The following SLC5A3 variants were observed in gnomAD, a reference collection of about 807,000 sequenced individuals.
SLC5A3 encodes sodium/myo-inositol cotransporter.
SLC5A3 carries 10 observed loss-of-function variants against 43.2 expected under a neutral mutation model. That is an observed-to-expected ratio of 0.23 (90% CI 0.14 to 0.39). The LOEUF is 0.39. Ranked by LOEUF, SLC5A3 falls within the 10% of genes least tolerant of loss-of-function variation. The pLI, the probability that SLC5A3 is intolerant of heterozygous loss-of-function variation, is 1.00. For missense variants in SLC5A3, 608 were observed against 893.4 expected (o/e 0.68, Z 4.07); for synonymous variants, 349 against 322.0 (o/e 1.08, Z -0.90).
At chr21:34,081,803 T>C (rs889935253) in intron 1 of SLC5A3, among the ~76,000 whole-genome samples, 1 of 152,208 alleles carries the variant, frequency 6.6e-6, no homozygotes, top group Admixed American at 6.5e-5. Context: ...AGTTTTTCAT[T>C]ATTCCCAGTT....
rs1300522155 is a variant in SLC5A3 at position 34,104,328 on chromosome 21, AAAACGT to A, written c.*6975_*6980del. 1 of 999,966 alleles carries A rather than the reference AAAACGT, an allele frequency of 1.0e-6. No individual in the cohort carries two copies. Among genetic ancestry groups the A allele is most frequent in the African/African-American group, 1.7e-5 (1 of 57,176 alleles). 61.9% of individuals were successfully genotyped at this position (999,966 alleles called of 1,614,324 possible). ...AAATCTGTTAATGTGTGTGTAGAAG[AAAACGT>A]ATGTTCTTCTACTCAGCATTGCCCT... On this transcript the variant is annotated 3_prime_UTR_variant, in exon 2 of 2. Coordinates refer to ENST00000381151, the MANE Select transcript of SLC5A3 (RefSeq NM_006933.7).
chr21:34,081,677 A>G (rs867762966), intron 1 of SLC5A3, among the ~76,000 whole-genome samples: 2 of 152,122 alleles, frequency 1.3e-5, no homozygotes, highest in African/African-American at 4.8e-5. Context: ...GAAGTAATTC[A>G]TTTGGGAGGG....
chr21:34,082,867 A>AT (rs1240283559), intron 1 of SLC5A3, among the ~76,000 whole-genome samples: 4 of 152,108 alleles, frequency 2.6e-5, no homozygotes, highest in African/African-American at 4.8e-5. Context: ...CCTTGCAATC[A>AT]TTTTTACTAT....
At chr21:34,089,172 C>G (rs983319608) in intron 1 of SLC5A3, among the ~76,000 whole-genome samples, 1 of 147,436 alleles carries the variant, frequency 6.8e-6, no homozygotes, top group African/African-American at 2.5e-5. Flanking sequence ...GGATTACAGG[C>G]GTGTGCTACC....
Position 34,096,647 on chromosome 21 carries a change from C to A in SLC5A3, c.1449C>A (p.Val483=). The change falls in exon 2 of 2, where the codon GTC becomes GTA. Residue 483 remains valine, a synonymous_variant. Transcript: ENST00000381151. The surrounding 1 kb of genome is among the most constrained non-coding windows in gnomAD (Gnocchi z 5.9). The stretch of plus-strand genomic sequence containing the variant: ...TGGCTGGCTTTGTTCTTGGAGCAGT[C>A]CGTTTGATACTGGCCTTTGCCTACC... ...GGMAGFVLGA[V]RLILAFAYRA... is the part of the protein sequence containing the mutation. 6.2e-7 allele frequency: 1 copy of A among 1,614,154 alleles called. No homozygotes were observed. The highest frequency in any genetic ancestry group is 2.2e-5 in the East Asian group (1 of 44,880).
At chr21:34,076,454 A>G (rs1602898774) in intron 1 of SLC5A3, among the ~76,000 whole-genome samples, 1 of 152,220 alleles carries the variant, frequency 6.6e-6, no homozygotes, top group African/African-American at 2.4e-5. Flanking sequence ...ATTGAACTAT[A>G]CAGTTGTACA....
rs1460214619 is a variant in SLC5A3 at position 34,105,708 on chromosome 21, T to C, written c.*8353T>C. 2.0e-6 allele frequency: 2 copies of C among 998,406 alleles called. No individual in the cohort carries two copies. Among genetic ancestry groups the C allele is most frequent in the Non-Finnish European group, 2.4e-6 (2 of 828,404 alleles). The allele number at this position is 998,406 out of a possible 1,614,324, so 61.8% of individuals were successfully genotyped here. A position where few individuals can be genotyped will look rare whatever the true frequency, so the allele number is the denominator to read the frequency against. Reference sequence around the variant, plus strand: ...TGTTATTAGTGAGTTTTTTGAATTGTAAATGGATTTCCAGTTTACCTTCTG... The same window carrying C: ...TGTTATTAGTGAGTTTTTTGAATTGCAAATGGATTTCCAGTTTACCTTCTG... On this transcript the variant is annotated 3_prime_UTR_variant, in exon 2 of 2. Coordinates refer to ENST00000381151, the MANE Select transcript of SLC5A3 (RefSeq NM_006933.7).
rs1212137884 is a variant in SLC5A3, at chr21:34,098,737, G to A, written c.*1382G>A. 1 of 1,000,136 alleles carries A rather than the reference G, an allele frequency of 1.0e-6. No homozygotes were observed. The highest frequency in any genetic ancestry group is 1.2e-6 in the Non-Finnish European group (1 of 829,938). 62.0% of individuals were successfully genotyped at this position (1,000,136 alleles called of 1,614,324 possible). ...ATAGGACTCTAACTTGACATGGCTTGGCACCCACTTGCAGCTAGTGGGTAC... is the reference window on the plus strand; with the variant it reads ...ATAGGACTCTAACTTGACATGGCTTAGCACCCACTTGCAGCTAGTGGGTAC... On this transcript the variant is annotated 3_prime_UTR_variant, in exon 2 of 2. Coordinates refer to ENST00000381151, the MANE Select transcript of SLC5A3 (RefSeq NM_006933.7).
Position 34,096,581 on chromosome 21 carries a change from C to T in SLC5A3, c.1383C>T (p.Phe461=). Residue 461 remains phenylalanine, a synonymous_variant, in exon 2 of 2, where the codon TTC becomes TTT. Coordinates refer to ENST00000381151, the MANE Select transcript of SLC5A3 (RefSeq NM_006933.7). The surrounding 1 kb of genome is among the most constrained non-coding windows in gnomAD (Gnocchi z 5.9). The part of the protein sequence containing the change: ...PVAALFLLAI[F]WKRCNEQGAF... ...CAGCCTTGTTCCTGCTGGCAATTTT[C>T]TGGAAGCGCTGCAATGAACAAGGGG... 6.2e-7 allele frequency: 1 copy of T among 1,614,086 alleles called. No homozygotes were observed. The highest frequency in any genetic ancestry group is 8.5e-7 in the Non-Finnish European group (1 of 1,179,994).
In SLC5A3 at chr21:34,104,100, G is replaced by T; in HGVS notation, c.*6745G>T. On this transcript the variant is annotated 3_prime_UTR_variant, in exon 2 of 2. Coordinates refer to ENST00000381151, the MANE Select transcript of SLC5A3 (RefSeq NM_006933.7). Reference sequence around the variant, plus strand: ...TCTTTGATTTTTTTTGTGTACGTTTGTATGTGAGAGATGAAGTTACCTTTA... The same window carrying T: ...TCTTTGATTTTTTTTGTGTACGTTTTTATGTGAGAGATGAAGTTACCTTTA... The T allele has an allele frequency of 2.0e-6, 2 of 999,904 alleles. No homozygotes were observed. The highest frequency in any genetic ancestry group is 2.4e-6 in the Non-Finnish European group (2 of 829,874). 61.9% of individuals were successfully genotyped at this position (999,904 alleles called of 1,614,324 possible).
At position 34,086,116 on chromosome 21, in the gene SLC5A3, G is replaced by A. The variant is rs544771417; in HGVS notation, c.-336-8747G>A. On this transcript the variant is annotated intron_variant, in intron 1 of 1. Coordinates refer to ENST00000381151, the MANE Select transcript of SLC5A3 (RefSeq NM_006933.7). The stretch of plus-strand genomic sequence containing the variant: ...TTCTTACCCCACTCTTTACCTTTCC[G>A]GATTTGGCTGGTCACTTATGCTGTT... Among the ~76,000 whole-genome samples, 21 of 152,080 alleles carry A rather than the reference G, an allele frequency of 1.4e-4. 1 individual carries two copies. Among genetic ancestry groups the A allele is most frequent in the African/African-American group, 4.3e-4 (18 of 41,480 alleles).
chr21:34,099,471 A>G lies in SLC5A3; in HGVS notation c.*2116A>G. ...AAAGTAATAAGATCTTGGATTTTTC[A>G]AATTAACATTAAGTTGTAAGAACTA... is the stretch of plus-strand genomic sequence containing the variant. On this transcript the variant is annotated 3_prime_UTR_variant, in exon 2 of 2. Transcript: ENST00000381151. 3 of 1,000,026 alleles carry G rather than the reference A, an allele frequency of 3.0e-6. No homozygotes were observed. The highest frequency in any genetic ancestry group is 3.6e-6 in the Non-Finnish European group (3 of 829,882). The allele number at this position is 1,000,026 out of a possible 1,614,324, so 61.9% of individuals were successfully genotyped here. A position where few individuals can be genotyped will look rare whatever the true frequency, so the allele number is the denominator to read the frequency against.
chr21:34,096,434 G>C lies in SLC5A3; in HGVS notation c.1236G>C (p.Arg412Ser). ...CCCGGGAGTTAATGATTGTGGGGAG[G>C]ATATTTGTGGCATTTATGGTGGTGA... Reference protein sequence around the residue: ...ASSRELMIVGRIFVAFMVVIS... With the variant: ...ASSRELMIVGSIFVAFMVVIS... Residue 412 changes from arginine (R) to serine (S), a missense_variant, in exon 2 of 2, where the codon AGG becomes AGC. Around this residue, in one of 2 missense-constraint regions of SLC5A3, gnomAD observed 398 missense variants for 668.6 expected, o/e 0.60. Transcript: ENST00000381151. This position sits in a 1 kb window ranked among gnomAD's most constrained non-coding sequence, Gnocchi z 5.9. The C allele has an allele frequency of 1.2e-6, 2 of 1,614,196 alleles. No homozygotes were observed. Among genetic ancestry groups the C allele is most frequent in the Non-Finnish European group, 1.7e-6 (2 of 1,180,028 alleles).
chr21:34,092,264 A>G lies in SLC5A3; in HGVS notation c.-336-2599A>G, dbSNP rs556033885. Among the ~76,000 whole-genome samples the G allele has an allele frequency of 4.6e-5, 7 of 152,314 alleles. No homozygotes were observed. In the East Asian group the frequency reaches 1.3e-3, roughly 29 times the overall value. On this transcript the variant is annotated intron_variant, in intron 1 of 1. Transcript: ENST00000381151. ...TGCATTGCATTATAGTATTTTATAT[A>G]TTTCTACAAACCAAATTGACCTGTT... is the stretch of plus-strand genomic sequence containing the variant.
chr21:34,088,812 A>G (rs1978530937), intron 1 of SLC5A3, among the ~76,000 whole-genome samples: 1 of 152,158 alleles, frequency 6.6e-6, no homozygotes, highest in African/African-American at 2.4e-5. Context: ...GGATTAAAGT[A>G]ATGCACATAA....
intron 1 of SLC5A3, among the ~76,000 whole-genome samples, chr21:34,074,499 G>A (rs1044758173): frequency 1.3e-4 from 20 of 152,210 alleles, no homozygotes; most frequent in African/African-American, 3.6e-4. Context: ...AGGTTTGGAG[G>A]GATGCTAAGC....
rs549847334 is a variant in SLC5A3 at position 34,073,744 on chromosome 21, G to T, written c.-338G>T. ...GCTTTAATCCTGAAAGCCATGCAGC[G>T]GGTAAGTGACCTTCCCTCAGAGCCG... is the stretch of plus-strand genomic sequence containing the variant. On this transcript the variant is annotated splice_region_variant and 5_prime_UTR_variant, in exon 1 of 2. Transcript: ENST00000381151. 952 of 1,525,636 alleles carry T rather than the reference G, an allele frequency of 6.2e-4. 13 individuals carry two copies. The South Asian group carries it at 0.01, about 16-fold the overall frequency. 94.5% of individuals were successfully genotyped at this position (1,525,636 alleles called of 1,614,324 possible).
chr21:34,102,901 A>G lies in SLC5A3; in HGVS notation c.*5546A>G. The G allele has an allele frequency of 6.0e-6, 6 of 999,748 alleles. No homozygotes were observed. The highest frequency in any genetic ancestry group is 6.0e-6 in the Non-Finnish European group (5 of 829,896). 61.9% of individuals were successfully genotyped at this position (999,748 alleles called of 1,614,324 possible). On this transcript the variant is annotated 3_prime_UTR_variant, in exon 2 of 2. Transcript: ENST00000381151. ...TTACAGTGAATTCGACAACCGCACA[A>G]GTTGGCAGTAGGTATCCCCAACCTA...
intron 1 of SLC5A3, among the ~76,000 whole-genome samples, chr21:34,074,327 G>C (rs1347743354): frequency 6.6e-6 from 1 of 152,188 alleles, no homozygotes; most frequent in Non-Finnish European, 1.5e-5. Context: ...TCGCTCTCAT[G>C]TTAAAAAAAA....
Sources: allele counts gnomAD v4.1 joint callset (sites outside exome capture counted in the v4.1 genomes callset), GRCh38; gene constraint gnomAD v4.1.1; regional missense constraint gnomAD v4.1.1; non-coding constraint Gnocchi (gnomAD v3.1); transcripts MANE v1.5; gene names NCBI Gene and HGNC (gene_info 2026-07-23, HGNC 2026-07-21).